Variants in LILRB5 observed in about 807,000 individuals in gnomAD.
LILRB5 encodes the protein leukocyte immunoglobulin like receptor B5.
LILRB5 carries 61 observed loss-of-function variants against 68.4 expected under a neutral mutation model. The observed-to-expected ratio is 0.89, with a 90% confidence interval of 0.73 to 1.10. The LOEUF is 1.10. Among genes scored for constraint, LILRB5 ranks in the 50% least tolerant of loss-of-function variants. LILRB5 has a pLI of 0.00. For synonymous variants in LILRB5, 356 were observed against 315.8 expected (o/e 1.13, Z -1.35); for missense variants, 771 against 751.6 (o/e 1.03, Z -0.30).
chr19:54,254,678 G>C (rs1167005385), intron 6 of LILRB5, 57 bp downstream of exon 6: 1 of 1,598,552 alleles, frequency 6.3e-7, no homozygotes, highest in East Asian at 2.2e-5. Flanking sequence ...AGCTCTCCTG[G>C]GGGCAGGGCC....
Position 54,257,189 on chromosome 19 carries a change from G to C in LILRB5, c.5C>G (p.Thr2Ser), listed in dbSNP as rs775816575. 2 of 1,614,092 alleles carry C rather than the reference G, an allele frequency of 1.2e-6. No individual in the cohort carries two copies. Among genetic ancestry groups the C allele is most frequent in the East Asian group, 4.5e-5 (2 of 44,900 alleles). M[T>S]LTLSVLICLG... ...GCAAATCAGGACTGAGAGGGTGAGG[G>C]TCATGGCGTCAGCTCCCACTGGACT... is the stretch of plus-strand genomic sequence containing the variant. Residue 2 changes from threonine to serine, a missense_variant, in exon 1 of 13, where the codon ACC becomes AGC. Thr to Ser is a moderately conservative substitution (Grantham distance 58). Transcript: ENST00000449561.
chr19:54,256,148 G>C lies in LILRB5; in HGVS notation c.550C>G (p.Pro184Ala). Residue 184 changes from proline to alanine, a missense_variant, in exon 4 of 13, where the codon CCC becomes GCC. Coordinates refer to ENST00000449561, the MANE Select transcript of LILRB5 (RefSeq NM_001081442.3). ...GPSQALFPVG[P>A]VTPSCRWRFR... ...CTCCACCTGCAGCTGGGGGTCACGG[G>C]ACCCACAGGGAACAGGGCCTGGGAT... 1.9e-6 allele frequency: 3 copies of C among 1,611,818 alleles called. No individual in the cohort carries two copies. Among genetic ancestry groups the C allele is most frequent in the Non-Finnish European group, 2.5e-6 (3 of 1,179,138 alleles).
rs771205807 is a variant in LILRB5, at chr19:54,255,365, G to T, written c.873C>A (p.Gly291=). ...TLGPVSRSHG[G]QYRCYGAHNL... ...TGTGTGCACCGTAGCATCTGTACTG[G>T]CCCCCGTGGGAGCGGCTCACAGGGC... Residue 291 remains glycine, a synonymous_variant, in exon 5 of 13, where the codon GGC becomes GGA. Coordinates refer to ENST00000449561, the MANE Select transcript of LILRB5 (RefSeq NM_001081442.3). 2 of 1,614,078 alleles carry T rather than the reference G, an allele frequency of 1.2e-6. No homozygotes were observed. Among genetic ancestry groups the T allele is most frequent in the South Asian group, 1.1e-5 (1 of 91,086 alleles).
Position 54,256,077 on chromosome 19 carries a change from C to T in LILRB5, c.621G>A (p.Ser207=), listed in dbSNP as rs144716655. The change falls in exon 4 of 13, where the codon TCG becomes TCA. Residue 207 remains serine (S), a synonymous_variant. Transcript: ENST00000449561. The stretch of plus-strand genomic sequence containing the variant: ...GAATCTCCAGGAGGTCACTGGGGTT[C>T]GACCACACCTGAGGGTTTTTCCTGT... ...YYYRKNPQVW[S]NPSDLLEILV... 5.5e-5 allele frequency: 85 copies of T among 1,558,322 alleles called. 1 individual carries two copies. The African/African-American group carries it at 5.7e-4, about 10-fold the overall frequency.
intron 7 of LILRB5, 40 bp from the exon 8 acceptor site, chr19:54,254,108 C>T (rs755786612): frequency 2.5e-6 from 4 of 1,574,986 alleles, no homozygotes; most frequent in East Asian, 2.3e-5. Context: ...GGCTGCCCTG[C>T]TCCCCACATC....
Position 54,250,587 on chromosome 19 carries a change from T to A in LILRB5, c.*199A>T. ...TTGATTTATTGAGAAGTCTGTGGCT[T>A]CATTTCAAAAATGCAAGGATATTAG... On this transcript the variant is annotated 3_prime_UTR_variant, in exon 13 of 13. Transcript: ENST00000449561. 1 of 618,272 alleles carries A rather than the reference T, an allele frequency of 1.6e-6. No individual in the cohort carries two copies. The highest frequency in any genetic ancestry group is 2.3e-5 in the South Asian group (1 of 43,350). The allele number at this position is 618,272 out of a possible 1,614,324, so 38.3% of individuals were successfully genotyped here. A position where few individuals can be genotyped will look rare whatever the true frequency, so the allele number is the denominator to read the frequency against.
At position 54,252,214 on chromosome 19, in the gene LILRB5, G is replaced by T. The variant is rs537459289; in HGVS notation, c.1577-108C>A. On this transcript the variant is annotated intron_variant, in intron 11 of 12. Coordinates refer to ENST00000449561, the MANE Select transcript of LILRB5 (RefSeq NM_001081442.3). ...CTAGGGTGGCTGAGATCCAGGGAGG[G>T]ACTGTGATGTCCCTGAGGTCCCACA... The T allele has an allele frequency of 3.4e-6, 5 of 1,458,998 alleles. No homozygotes were observed. In the South Asian group the frequency reaches 3.6e-5, roughly 11 times the overall value. 90.4% of individuals were successfully genotyped at this position (1,458,998 alleles called of 1,614,324 possible).
Position 54,255,198 on chromosome 19 carries a change from C to A in LILRB5, c.952+88G>T, listed in dbSNP as rs544088552. Reference sequence around the variant, plus strand: ...TCTCCCTCCCTTGGGACCACCCCCCCGCCTCATCCCGGCCATCACTAATTG... The same window carrying A: ...TCTCCCTCCCTTGGGACCACCCCCCAGCCTCATCCCGGCCATCACTAATTG... On this transcript the variant is annotated intron_variant, in intron 5 of 12. Coordinates refer to ENST00000449561, the MANE Select transcript of LILRB5 (RefSeq NM_001081442.3). 15 of 1,541,580 alleles carry A rather than the reference C, an allele frequency of 9.7e-6. No homozygotes were observed. The Admixed American group carries it at 2.1e-4, about 22-fold the overall frequency.
At chr19:54,255,198 C>T (rs544088552) in intron 5 of LILRB5, 88 bp downstream of exon 5, 473 of 1,541,694 alleles carry the variant, frequency 3.1e-4, no homozygotes, top group Non-Finnish European at 3.9e-4. Flanking sequence ...ACCACCCCCC[C>T]GCCTCATCCC....
chr19:54,254,214 G>C (rs2147634259), intron 7 of LILRB5, 146 bp from the exon 8 acceptor site: 1 of 1,466,870 alleles, frequency 6.8e-7, no homozygotes, highest in East Asian at 2.5e-5. Flanking sequence ...CAGAGCCCCG[G>C]GGAGCCTGTG....
chr19:54,255,936 A>G (rs532840458), intron 4 of LILRB5, 107 bp downstream of exon 4: 4 of 957,606 alleles, frequency 4.2e-6, no homozygotes, highest in South Asian at 3.5e-5. Flanking sequence ...CAGCCCATCC[A>G]TCAACACATC....
At chr19:54,253,646 G>A (rs2079028835) in intron 8 of LILRB5, 1 of 592,562 alleles carries the variant, frequency 1.7e-6, no homozygotes, top group Non-Finnish European at 3.0e-6. Context: ...AGAGTAGAAA[G>A]TTGACCTGCC....
chr19:54,255,458 T>C lies in LILRB5; in HGVS notation c.780A>G (p.Glu260=), dbSNP rs1569060041. The part of the protein sequence containing the change: ...YDIFVLYKEG[E]HDLVQGSGQQ... ...GGCCAGAGCCCTGGACGAGGTCATGTTCCCCCTCCTTGTACAGAACGAATA... is the reference window on the plus strand; with the variant it reads ...GGCCAGAGCCCTGGACGAGGTCATGCTCCCCCTCCTTGTACAGAACGAATA... The change falls in exon 5 of 13, where the codon GAA becomes GAG. Residue 260 remains glutamate, a synonymous_variant. Transcript: ENST00000449561. 6.2e-7 allele frequency: 1 copy of C among 1,614,110 alleles called. No homozygotes were observed. Among genetic ancestry groups the C allele is most frequent in the Non-Finnish European group, 8.5e-7 (1 of 1,180,008 alleles).
At chr19:54,255,904 C>G (rs541039407) in intron 4 of LILRB5, 139 bp downstream of exon 4, 11 of 744,180 alleles carry the variant, frequency 1.5e-5, no homozygotes, top group Non-Finnish European at 2.2e-5. Context: ...TGAGCCTCCC[C>G]GTGGGGTCTT....
intron 2 of LILRB5, 67 bp downstream of exon 2, chr19:54,256,894 C>G: frequency 6.2e-7 from 1 of 1,612,122 alleles, no homozygotes; most frequent in East Asian, 2.2e-5. Flanking sequence ...CCACCCCCAG[C>G]TGCCCGGGGT....
chr19:54,254,081 G>A lies in LILRB5; in HGVS notation c.1307-13C>T, dbSNP rs756762328. 2.3e-5 allele frequency: 36 copies of A among 1,590,200 alleles called. No individual in the cohort carries two copies. Among genetic ancestry groups the A allele is most frequent in the Middle Eastern group, 3.3e-4 (2 of 6,004 alleles). On this transcript the variant is annotated splice_polypyrimidine_tract_variant and intron_variant, in intron 7 of 12. Transcript: ENST00000449561. The stretch of plus-strand genomic sequence containing the variant: ...TCCTCAGGGCCTGCTGGGTCAGGAC[G>A]GGGAGGTGAGGGCTGGGGCTGCCCT...
In LILRB5 at chr19:54,256,039, T is replaced by A; in HGVS notation, c.655+4A>T. On this transcript the variant is annotated splice_donor_region_variant and intron_variant, in intron 4 of 12. Transcript: ENST00000449561. Reference sequence around the variant, plus strand: ...TATATAAAGAAGTGTGGTGGCTTTTTCACCTGGGACCAGAATCTCCAGGAG... The same window carrying A: ...TATATAAAGAAGTGTGGTGGCTTTTACACCTGGGACCAGAATCTCCAGGAG... The A allele has an allele frequency of 6.5e-7, 1 of 1,531,152 alleles. No individual in the cohort carries two copies. The highest frequency in any genetic ancestry group is 8.8e-7 in the Non-Finnish European group (1 of 1,142,740). The allele number at this position is 1,531,152 out of a possible 1,614,324, so 94.8% of individuals were successfully genotyped here. A position where few individuals can be genotyped will look rare whatever the true frequency, so the allele number is the denominator to read the frequency against.
intron 8 of LILRB5, chr19:54,253,646 G>C: frequency 1.7e-6 from 1 of 592,680 alleles, no homozygotes; most frequent in Non-Finnish European, 3.0e-6. Flanking sequence ...AGAGTAGAAA[G>C]TTGACCTGCC....
At chr19:54,257,124 A>G in intron 1 of LILRB5, 36 bp downstream of exon 1, 1 of 1,614,144 alleles carries the variant, frequency 6.2e-7, no homozygotes, top group East Asian at 2.2e-5. Flanking sequence ...GCTCCCTCCA[A>G]GACGGGGACC....
Sources: allele counts gnomAD v4.1 joint callset, GRCh38; gene constraint gnomAD v4.1.1; transcripts MANE v1.5; gene names NCBI Gene and HGNC (gene_info 2026-07-23, HGNC 2026-07-21).